The following ASIC4 variants were observed in gnomAD, a reference collection of about 807,000 sequenced individuals.
The protein encoded by ASIC4 is acid-sensing ion channel 4.
In ASIC4, 28 loss-of-function variants were observed where a neutral mutation model predicts 53.4. The ratio of observed to expected loss-of-function variants is 0.52; its 90% confidence interval spans 0.39 to 0.72. The LOEUF is 0.72. Ranked by LOEUF, ASIC4 falls within the 30% of genes least tolerant of loss-of-function variation. ASIC4 has a pLI of 0.00. For missense variants in ASIC4, 649 were observed against 729.7 expected, an observed-to-expected ratio of 0.89 and a Z score of 1.27; for synonymous variants, 289 against 301.4, an observed-to-expected ratio of 0.96 and a Z score of 0.43.
chr2:219,511,654 C>T (rs1694703232), upstream of ASIC4, among the ~76,000 whole-genome samples: 1 of 151,942 alleles, frequency 6.6e-6, no homozygotes, highest in Non-Finnish European at 1.5e-5. This position sits in a 1 kb window ranked among gnomAD's most constrained non-coding sequence, Gnocchi z 5.3. Flanking sequence ...AGCTCAGGGC[C>T]TGGCCAGCCA....
chr2:219,535,328 T>G lies in ASIC4; in HGVS notation c.1229+4T>G, dbSNP rs572878685. On this transcript the variant is annotated splice_donor_region_variant and intron_variant, in intron 6 of 9. Transcript: ENST00000358078. ...ACCGCAACGAGACCTACATACGGTA[T>G]GTGTGTGTGTGTGTGGGGGGTGGCT... 1 of 1,352,816 alleles carries G rather than the reference T, an allele frequency of 7.4e-7. No homozygotes were observed. Among genetic ancestry groups the G allele is most frequent in the Non-Finnish European group, 9.6e-7 (1 of 1,038,656 alleles). The allele number at this position is 1,352,816 out of a possible 1,614,324, so 83.8% of individuals were successfully genotyped here. A position where few individuals can be genotyped will look rare whatever the true frequency, so the allele number is the denominator to read the frequency against.
chr2:219,533,171 G>A (rs1695072467), intron 5 of ASIC4: 1 of 588,334 alleles, frequency 1.7e-6, no homozygotes. Flanking sequence ...GAGAAGCCAG[G>A]ACTGGGAGTG....
chr2:219,537,877 C>G lies in ASIC4; in HGVS notation c.1507-56C>G. On this transcript the variant is annotated intron_variant, in intron 9 of 9. Coordinates refer to ENST00000358078, the MANE Select transcript of ASIC4 (RefSeq NM_018674.6). This position sits in a 1 kb window ranked among gnomAD's most constrained non-coding sequence, Gnocchi z 4.9. ...CAAGGAAAGGCTGGCGGTGTGAGCC[C>G]TGGGGGCACCACTTGAGCTCTCCCG... The G allele has an allele frequency of 6.6e-7, 1 of 1,509,202 alleles. No individual in the cohort carries two copies. The highest frequency in any genetic ancestry group is 9.0e-7 in the Non-Finnish European group (1 of 1,105,658). 93.5% of individuals were successfully genotyped at this position (1,509,202 alleles called of 1,614,324 possible). A position where few individuals can be genotyped will look rare whatever the true frequency, so the allele number is the denominator to read the frequency against.
At chr2:219,519,695 G>C (rs1344184896) in intron 1 of ASIC4, among the ~76,000 whole-genome samples, 1 of 152,238 alleles carries the variant, frequency 6.6e-6, no homozygotes, top group Non-Finnish European at 1.5e-5. Flanking sequence ...ATAGCCATAC[G>C]TGGCTATAGG....
rs1206437861 is a variant in ASIC4, at chr2:219,516,442, T to C, written c.582+1136T>C. Among the ~76,000 whole-genome samples the C allele has an allele frequency of 6.6e-6, 1 of 151,664 alleles. No homozygotes were observed. Among genetic ancestry groups the C allele is most frequent in the African/African-American group, 2.4e-5 (1 of 41,216 alleles). ...AGTCAGGTATGTGAGGGGGTGGGCG[T>C]GTCTTGTACACTGCCTGTCTGTCAG... On this transcript the variant is annotated intron_variant, in intron 1 of 9. Transcript: ENST00000358078. The surrounding 1 kb of genome is among the most constrained non-coding windows in gnomAD (Gnocchi z 4.9).
chr2:219,530,363 CAGG>C (rs1386904233), intron 1 of ASIC4, among the ~76,000 whole-genome samples: 1 of 152,262 alleles, frequency 6.6e-6, no homozygotes, highest in East Asian at 1.9e-4. Context: ...GCTGTCCATG[CAGG>C]AGAACTCTCC....
chr2:219,529,852 TAGA>T (rs754779583), intron 1 of ASIC4, among the ~76,000 whole-genome samples: 3 of 152,016 alleles, frequency 2.0e-5, no homozygotes, highest in East Asian at 3.9e-4. Context: ...GGTTGGGTGG[TAGA>T]AGAACTGTGG....
At chr2:219,524,243 T>C (rs936310763) in intron 1 of ASIC4, among the ~76,000 whole-genome samples, 2 of 152,242 alleles carry the variant, frequency 1.3e-5, no homozygotes, top group Non-Finnish European at 2.9e-5. Context: ...CCTGACACTG[T>C]TGAGCACAGG....
At chr2:219,511,243 A>G (rs1336020830), upstream of ASIC4, among the ~76,000 whole-genome samples, 2 of 151,746 alleles carry the variant, frequency 1.3e-5, no homozygotes, top group Non-Finnish European at 2.9e-5. The surrounding 1 kb of genome is among the most constrained non-coding windows in gnomAD (Gnocchi z 5.3). Flanking sequence ...TTGAGAAAGC[A>G]CCCTTGGAAC....
chr2:219,538,400 G>T lies in ASIC4; in HGVS notation c.*354G>T, dbSNP rs903533904. 4.9e-6 allele frequency: 1 copy of T among 205,360 alleles called. No homozygotes were observed. The highest frequency in any genetic ancestry group is 9.8e-6 in the Non-Finnish European group (1 of 102,340). 12.7% of individuals were successfully genotyped at this position (205,360 alleles called of 1,614,324 possible). A position where few individuals can be genotyped will look rare whatever the true frequency, so the allele number is the denominator to read the frequency against. The stretch of plus-strand genomic sequence containing the variant: ...TTAGGGAAAGCCGGGTGGGGGGAGG[G>T]GATACAGATGTAGAAGGTGGGTAGG... On this transcript the variant is annotated 3_prime_UTR_variant, in exon 10 of 10. Transcript: ENST00000358078.
chr2:219,527,993 C>T (rs1238560916), intron 1 of ASIC4, among the ~76,000 whole-genome samples: 1 of 152,232 alleles, frequency 6.6e-6, no homozygotes, highest in African/African-American at 2.4e-5. Context: ...CGAGGTGGTG[C>T]TGAATGCTGA....
At chr2:219,513,775 G>A (rs944817184), upstream of ASIC4, among the ~76,000 whole-genome samples, 2 of 152,260 alleles carry the variant, frequency 1.3e-5, no homozygotes, top group Non-Finnish European at 2.9e-5. Context: ...GACTGAGATT[G>A]GGGTTGGGGG....
chr2:219,523,539 T>C (rs1461267459), intron 1 of ASIC4, among the ~76,000 whole-genome samples: 1 of 152,226 alleles, frequency 6.6e-6, no homozygotes, highest in Non-Finnish European at 1.5e-5. Flanking sequence ...GGTCCCTGTA[T>C]GCACGTGTAG....
Position 219,535,224 on chromosome 2 carries a change from C to G in ASIC4, c.1129C>G (p.Leu377Val). The change falls in exon 6 of 10, where the codon CTG becomes GTG. Residue 377 changes from leucine (L) to valine (V), a missense_variant. By Grantham distance (32) the Leu-to-Val change is conservative. Transcript: ENST00000358078. Reference sequence around the variant, plus strand: ...GTGCTTCTGCCCCACCCCCTGCAACCTGACACGCTATGGGAAAGAGATCTC... The same window carrying G: ...GTGCTTCTGCCCCACCCCCTGCAACGTGACACGCTATGGGAAAGAGATCTC... The part of the protein sequence containing the change: ...GPCFCPTPCN[L>V]TRYGKEISMV... The G allele has an allele frequency of 6.2e-7, 1 of 1,614,078 alleles. No individual in the cohort carries two copies.
chr2:219,536,935 G>T lies in ASIC4; in HGVS notation c.1230-131G>T, dbSNP rs1042419622. ...GGACTGCCTCCCCTCACAGCCTTGGGGAGTCCGGGGGGTAGTCACTGACTT... is the reference window on the plus strand; with the variant it reads ...GGACTGCCTCCCCTCACAGCCTTGGTGAGTCCGGGGGGTAGTCACTGACTT... On this transcript the variant is annotated intron_variant, in intron 6 of 9. Coordinates refer to ENST00000358078, the MANE Select transcript of ASIC4 (RefSeq NM_018674.6). This position sits in a 1 kb window ranked among gnomAD's most constrained non-coding sequence, Gnocchi z 4.6. The T allele has an allele frequency of 2.7e-6, 2 of 740,676 alleles. No individual in the cohort carries two copies. Among genetic ancestry groups the T allele is most frequent in the Non-Finnish European group, 4.5e-6 (2 of 443,276 alleles). 45.9% of individuals were successfully genotyped at this position (740,676 alleles called of 1,614,324 possible).
intron 6 of ASIC4, 55 bp downstream of exon 6, chr2:219,535,379 TG>T (rs1559120385): frequency 1.3e-5 from 19 of 1,466,938 alleles, no homozygotes; most frequent in Admixed American, 2.2e-5. Context: ...TACGTGTGTG[TG>T]GGGGGTGGCT....
At position 219,518,397 on chromosome 2, in the gene ASIC4, G is replaced by A. The variant is rs560961704; in HGVS notation, c.582+3091G>A. Among the ~76,000 whole-genome samples, 2 of 152,296 alleles carry A rather than the reference G, an allele frequency of 1.3e-5. No individual in the cohort carries two copies. The highest frequency in any genetic ancestry group is 4.8e-5 in the African/African-American group (2 of 41,552). ...GGAGAGCTGGGAGGGCCTAGGGGAT[G>A]AGGCAGGCTGGGCAGTTTGGAGAAG... On this transcript the variant is annotated intron_variant, in intron 1 of 9. Transcript: ENST00000358078. The surrounding 1 kb of genome is among the most constrained non-coding windows in gnomAD (Gnocchi z 4.8).
rs201323394 is a variant in ASIC4, at chr2:219,532,055, C to T, written c.782C>T (p.Pro261Leu). The T allele has an allele frequency of 8.4e-5, 135 of 1,614,136 alleles. No homozygotes were observed. The highest frequency in any genetic ancestry group is 4.0e-5 in the African/African-American group (3 of 74,958). ...IRVQIHSQEE[P>L]PYIHQLGFGV... The stretch of plus-strand genomic sequence containing the variant: ...GTGCAGATCCACAGCCAGGAGGAGC[C>T]GCCCTACATCCACCAGCTGGGGTTC... Residue 261 changes from proline to leucine, a missense_variant, in exon 3 of 10, where the codon CCG becomes CTG. By Grantham distance (98) the Pro-to-Leu change is moderately conservative. Transcript: ENST00000358078.
chr2:219,515,086 A>G lies in ASIC4; in HGVS notation c.362A>G (p.Asn121Ser). ...GFPAVTLCNI[N>S]RFRHSALSDA... Reference sequence around the variant, plus strand: ...CCGGCTGTCACCCTCTGCAATATCAACCGCTTCCGGCATTCGGCACTCAGC... The same window carrying G: ...CCGGCTGTCACCCTCTGCAATATCAGCCGCTTCCGGCATTCGGCACTCAGC... The change falls in exon 1 of 10, where the codon AAC (asparagine) becomes AGC (serine). Residue 121 changes from asparagine to serine, a missense_variant. Physicochemically the swap from Asn to Ser is conservative, Grantham distance 46. Transcript: ENST00000358078. The G allele has an allele frequency of 1.9e-6, 3 of 1,613,798 alleles. No homozygotes were observed. The highest frequency in any genetic ancestry group is 2.5e-6 in the Non-Finnish European group (3 of 1,179,976).
Sources: allele counts gnomAD v4.1 joint callset (sites outside exome capture counted in the v4.1 genomes callset), GRCh38; gene constraint gnomAD v4.1.1; non-coding constraint Gnocchi (gnomAD v3.1); transcripts MANE v1.5; gene names NCBI Gene and HGNC (gene_info 2026-07-23, HGNC 2026-07-21).